The following ATP6V1H variants were observed in gnomAD, a reference collection of about 807,000 sequenced individuals.
ATP6V1H encodes the protein V-type proton ATPase subunit H.
A neutral mutation model predicts 71.7 loss-of-function variants in ATP6V1H; 39 were observed. That is an observed-to-expected ratio of 0.54 (90% CI 0.42 to 0.71). The LOEUF (loss-of-function observed/expected upper bound fraction) is 0.71. Among genes scored for constraint, ATP6V1H ranks in the 30% least tolerant of loss-of-function variants. ATP6V1H has a pLI of 0.00. For synonymous variants in ATP6V1H, 192 were observed against 199.3 expected (o/e 0.96, Z 0.31); for missense variants, 509 against 594.9 (o/e 0.86, Z 1.50).
intron 11 of ATP6V1H, among the ~76,000 whole-genome samples, chr8:53,761,188 T>C (rs962601333): frequency 6.6e-6 from 1 of 151,542 alleles, no homozygotes; most frequent in Non-Finnish European, 1.5e-5. Flanking sequence ...ATAGAAAAAA[T>C]TAGCTGGGTG....
intron 13 of ATP6V1H, among the ~76,000 whole-genome samples, chr8:53,735,276 T>C (rs1300751919): frequency 6.6e-6 from 1 of 152,220 alleles, no homozygotes; most frequent in Non-Finnish European, 1.5e-5. Context: ...AAGTAACCCA[T>C]GTGCTTCTCC....
chr8:53,798,951 TG>T (rs1809829264), intron 8 of ATP6V1H, among the ~76,000 whole-genome samples: 1 of 152,190 alleles, frequency 6.6e-6, no homozygotes, highest in South Asian at 2.1e-4. Context: ...CAGCAGCATT[TG>T]TTGTACTCAG....
chr8:53,728,737 G>C (rs1447077709), intron 13 of ATP6V1H, among the ~76,000 whole-genome samples: 2 of 152,150 alleles, frequency 1.3e-5, no homozygotes, highest in East Asian at 3.9e-4. Flanking sequence ...TCATCACATG[G>C]GTCAGCTCCT....
intron 9 of ATP6V1H, among the ~76,000 whole-genome samples, chr8:53,788,525 T>C (rs1809453909): frequency 6.6e-6 from 1 of 152,212 alleles, no homozygotes; most frequent in African/African-American, 2.4e-5. Context: ...TATTATTCCA[T>C]GATTTTATGG....
chr8:53,719,805 C>T (rs913795363), intron 13 of ATP6V1H, among the ~76,000 whole-genome samples: 4 of 152,322 alleles, frequency 2.6e-5, no homozygotes, highest in South Asian at 2.1e-4. Flanking sequence ...GTGAGCAAAG[C>T]GCCTACTCAG....
At chr8:53,820,162 C>T (rs1810599148) in intron 4 of ATP6V1H, among the ~76,000 whole-genome samples, 1 of 151,614 alleles carries the variant, frequency 6.6e-6, no homozygotes, top group East Asian at 1.9e-4. Flanking sequence ...TCTACAATCG[C>T]CACCATAAAA....
chr8:53,767,447 C>T (rs572242851), intron 11 of ATP6V1H, among the ~76,000 whole-genome samples: 35 of 152,124 alleles, frequency 2.3e-4, no homozygotes, highest in Non-Finnish European at 4.6e-4. Context: ...AATTCTCACA[C>T]TGTGTGTGAC....
intron 2 of ATP6V1H, chr8:53,839,767 C>A: frequency 8.1e-6 from 8 of 985,426 alleles, no homozygotes; most frequent in Non-Finnish European, 9.6e-6. Context: ...GGGACACACA[C>A]TCCCACCTCC....
At chr8:53,811,286 AG>A (rs1467364609) in intron 6 of ATP6V1H, 69 bp from the exon 7 acceptor site, 1 of 1,373,620 alleles carries the variant, frequency 7.3e-7, no homozygotes, top group African/African-American at 1.4e-5. Context: ...AGCTTACAAA[AG>A]GGAGCTAAGC....
intron 12 of ATP6V1H, among the ~76,000 whole-genome samples, chr8:53,744,233 T>C (rs1356751369): frequency 6.6e-6 from 1 of 152,128 alleles, no homozygotes; most frequent in Admixed American, 6.5e-5. Context: ...CAATGGGATA[T>C]GCCATGTGAC....
chr8:53,742,235 T>C (rs1274851259), intron 13 of ATP6V1H, among the ~76,000 whole-genome samples: 1 of 152,204 alleles, frequency 6.6e-6, no homozygotes, highest in East Asian at 1.9e-4. Flanking sequence ...ATATACTTCT[T>C]TAATTCTAGG....
At chr8:53,769,548 A>G in intron 11 of ATP6V1H, 70 bp downstream of exon 11, 1 of 1,455,824 alleles carries the variant, frequency 6.9e-7, no homozygotes, top group Non-Finnish European at 9.3e-7. Context: ...ATTTAGAGTG[A>G]CAAAAACGAG....
intron 13 of ATP6V1H, among the ~76,000 whole-genome samples, chr8:53,721,492 C>A (rs1056247632): frequency 1.3e-5 from 2 of 152,180 alleles, no homozygotes; most frequent in African/African-American, 4.8e-5. Context: ...TTACTAAGCA[C>A]TGCACTAGCT....
chr8:53,726,763 A>C (rs1053530686), intron 13 of ATP6V1H, among the ~76,000 whole-genome samples: 2 of 152,138 alleles, frequency 1.3e-5, no homozygotes, highest in Admixed American at 6.5e-5. Flanking sequence ...TCCCTCCATC[A>C]TCTGAAATAG....
intron 12 of ATP6V1H, among the ~76,000 whole-genome samples, chr8:53,755,503 G>A (rs1807977832): frequency 7.0e-6 from 1 of 143,424 alleles, no homozygotes; most frequent in African/African-American, 2.6e-5. Context: ...TTAGGTTACG[G>A]GGGGTGGGGG....
At chr8:53,749,035 T>C (rs1807702641) in intron 12 of ATP6V1H, among the ~76,000 whole-genome samples, 1 of 152,256 alleles carries the variant, frequency 6.6e-6, no homozygotes, top group Admixed American at 6.5e-5. Flanking sequence ...TATGCCCTAC[T>C]GTGTGGTGAA....
intron 9 of ATP6V1H, among the ~76,000 whole-genome samples, chr8:53,782,295 T>C (rs1294064139): frequency 6.6e-6 from 1 of 151,884 alleles, no homozygotes; most frequent in Admixed American, 6.5e-5. Flanking sequence ...TTTATTCTCT[T>C]TGAAGCAATT....
chr8:53,767,422 A>G (rs926185700), intron 11 of ATP6V1H, among the ~76,000 whole-genome samples: 1 of 152,240 alleles, frequency 6.6e-6, no homozygotes, highest in Non-Finnish European at 1.5e-5. Context: ...AAGTTGTAGT[A>G]AAGTATATAT....
At chr8:53,828,219 C>T (rs1336301133) in intron 4 of ATP6V1H, among the ~76,000 whole-genome samples, 1 of 152,096 alleles carries the variant, frequency 6.6e-6, no homozygotes, top group African/African-American at 2.4e-5. Flanking sequence ...TGTATGGGTC[C>T]ACAACTCTGA....
Sources: allele counts gnomAD v4.1 joint callset (sites outside exome capture counted in the v4.1 genomes callset), GRCh38; gene constraint gnomAD v4.1.1; transcripts MANE v1.5; gene names NCBI Gene and HGNC (gene_info 2026-07-23, HGNC 2026-07-21).